Variants in PDE4D observed in about 807,000 individuals in gnomAD.
The protein encoded by PDE4D is phosphodiesterase 4D.
PDE4D carries 24 observed loss-of-function variants against 87.4 expected under a neutral mutation model. The observed-to-expected ratio is 0.27, with a 90% confidence interval of 0.20 to 0.39. PDE4D has a LOEUF of 0.39. Among genes scored for constraint, PDE4D ranks in the 10% least tolerant of loss-of-function variants. The pLI, the probability that PDE4D is intolerant of heterozygous loss-of-function variation, is 1.00. For synonymous variants in PDE4D, 384 were observed against 383.2 expected, an observed-to-expected ratio of 1.00 and a Z score of -0.02; for missense variants, 714 against 1,041.0, an observed-to-expected ratio of 0.69 and a Z score of 4.32.
intron 5 of PDE4D, among the ~76,000 whole-genome samples, chr5:59,050,695 ATGGACTTTT>A (rs1166128343): frequency 1.8e-4 from 27 of 152,360 alleles, no homozygotes; most frequent in African/African-American, 3.6e-4. Flanking sequence ...CAGAAAGAGC[ATGGACTTTT>A]GAGTCACTCA....
chr5:59,530,444 C>T (rs1464624503), intron 1 of PDE4D, among the ~76,000 whole-genome samples: 1 of 152,108 alleles, frequency 6.6e-6, no homozygotes, highest in Non-Finnish European at 1.5e-5. Context: ...TATAAAATGA[C>T]ATAGTATTTG....
intron 1 of PDE4D, among the ~76,000 whole-genome samples, chr5:60,330,321 G>A (rs561671204): frequency 6.4e-4 from 97 of 152,292 alleles, no homozygotes; most frequent in African/African-American, 2.1e-3. Context: ...AAGCCTGTGC[G>A]CAAATGAGCC....
chr5:60,500,592 CAT>C (rs901897248), intron 1 of PDE4D, among the ~76,000 whole-genome samples: 4 of 152,188 alleles, frequency 2.6e-5, no homozygotes, highest in African/African-American at 9.7e-5. Flanking sequence ...CACTTTCACA[CAT>C]GTCATTTTAA....
intron 3 of PDE4D, chr5:59,988,442 A>T: frequency 7.9e-7 from 1 of 1,258,242 alleles, no homozygotes; most frequent in Non-Finnish European, 1.1e-6. Context: ...GACAACAATC[A>T]CCATCTAAAA....
intron 2 of PDE4D, among the ~76,000 whole-genome samples, chr5:59,198,019 A>G (rs1745850365): frequency 6.6e-6 from 1 of 152,206 alleles, no homozygotes; most frequent in Non-Finnish European, 1.5e-5. Context: ...TAGGGTCTCT[A>G]TAAAGTGACT....
intron 1 of PDE4D, among the ~76,000 whole-genome samples, chr5:59,747,040 A>G (rs1463601770): frequency 6.6e-6 from 1 of 152,118 alleles, no homozygotes; most frequent in East Asian, 1.9e-4. Context: ...ACTCATAATT[A>G]TCTTTTCCTC....
intron 1 of PDE4D, among the ~76,000 whole-genome samples, chr5:60,384,098 T>C (rs930035295): frequency 1.3e-5 from 2 of 152,118 alleles, no homozygotes; most frequent in African/African-American, 4.8e-5. Flanking sequence ...TTTGGCAACA[T>C]AAAATTGAAA....
intron 2 of PDE4D, among the ~76,000 whole-genome samples, chr5:60,117,117 T>C (rs1256269972): frequency 6.6e-6 from 1 of 152,098 alleles, no homozygotes; most frequent in African/African-American, 2.4e-5. Flanking sequence ...AATTATAGTG[T>C]TGATATAACT....
intron 1 of PDE4D, among the ~76,000 whole-genome samples, chr5:59,256,545 T>G (rs1760998716): frequency 6.6e-6 from 1 of 151,994 alleles, no homozygotes; most frequent in African/African-American, 2.4e-5. Flanking sequence ...AAGGCAAAAC[T>G]GTTGTCAAAA....
intron 1 of PDE4D, among the ~76,000 whole-genome samples, chr5:60,235,416 T>C (rs958868629): frequency 2.6e-5 from 4 of 151,840 alleles, no homozygotes; most frequent in African/African-American, 9.7e-5. Flanking sequence ...CCGAAGTAGT[T>C]TGAAAAAGAG....
rs768505423 is a variant in PDE4D at position 60,446,917 on chromosome 5, GAAA to G, written c.-90+41022_-90+41024del. Among the ~76,000 whole-genome samples, 90 of 152,266 alleles carry G rather than the reference GAAA, an allele frequency of 5.9e-4. 1 individual carries two copies. The highest frequency in any genetic ancestry group is 1.8e-3 in the Admixed American group (27 of 15,292). On this transcript the variant is annotated intron_variant, in intron 1 of 16. Transcript: ENST00000502484. Reference sequence around the variant, plus strand: ...TAGACCTGAAAATGTTGAAGGGACAGAAAAAGAGATTTGTGGGGGGCGCTGGAG... The same window carrying G: ...TAGACCTGAAAATGTTGAAGGGACAGAAGAGATTTGTGGGGGGCGCTGGAG...
chr5:60,323,596 A>G (rs60264107), intron 1 of PDE4D, among the ~76,000 whole-genome samples: 13,343 of 152,034 alleles, frequency 0.088, 1,933 homozygotes, highest in African/African-American at 0.31. Context: ...CTTATGTGCC[A>G]AGCTAAAAAG....
rs61006284 is a variant in PDE4D, at chr5:60,458,386, CAAAAAAAAAAAA to C, written c.-90+29544_-90+29555del. 2.3e-4 allele frequency among the ~76,000 whole-genome samples: 17 copies of C among 75,190 alleles called. No individual in the cohort carries two copies. In the South Asian group the frequency reaches 3.5e-3, roughly 16 times the overall value. 49.3% of individuals were successfully genotyped at this position (75,190 alleles called of 152,430 possible). A position where few individuals can be genotyped will look rare whatever the true frequency, so the allele number is the denominator to read the frequency against. Reference sequence around the variant, plus strand: ...TGGGCAACAGGGTGAGACTTCATTGCAAAAAAAAAAAAAAAAAAAAAAGCAAAAGAAACAAAG... The same window carrying C: ...TGGGCAACAGGGTGAGACTTCATTGCAAAAAAAAAAGCAAAAGAAACAAAG... On this transcript the variant is annotated intron_variant, in intron 1 of 16. Coordinates refer to the PDE4D transcript ENST00000502484.
chr5:59,910,289 GAATA>G (rs1432006187), intron 3 of PDE4D, among the ~76,000 whole-genome samples: 41 of 152,232 alleles, frequency 2.7e-4, no homozygotes, highest in Middle Eastern at 6.8e-3. Context: ...TATAGACAAT[GAATA>G]AATAATTTTG....
intron 5 of PDE4D, among the ~76,000 whole-genome samples, chr5:59,176,558 G>GAA (rs11354852): frequency 3.2e-4 from 40 of 124,746 alleles, no homozygotes; most frequent in Middle Eastern, 3.9e-3. Flanking sequence ...TCTATCTCAA[G>GAA]AAAAAAAAAA....
intron 1 of PDE4D, among the ~76,000 whole-genome samples, chr5:59,777,516 C>T (rs1296409225): frequency 6.6e-6 from 1 of 152,144 alleles, no homozygotes; most frequent in Admixed American, 6.5e-5. Context: ...ACCTGGAGAC[C>T]ATGCTAACAT....
intron 5 of PDE4D, among the ~76,000 whole-genome samples, chr5:59,160,735 A>C (rs1206423375): frequency 1.3e-5 from 2 of 152,152 alleles, no homozygotes; most frequent in African/African-American, 4.8e-5. Flanking sequence ...TATATCCTTC[A>C]ATGGAACTAA....
chr5:59,359,084 A>C (rs1781825966), intron 1 of PDE4D, among the ~76,000 whole-genome samples: 1 of 152,220 alleles, frequency 6.6e-6, no homozygotes, highest in Non-Finnish European at 1.5e-5. Flanking sequence ...ATGGATATCT[A>C]ATTGATAAGC....
intron 1 of PDE4D, among the ~76,000 whole-genome samples, chr5:59,722,362 AAG>A (rs879456920): frequency 1.4e-4 from 21 of 152,224 alleles, no homozygotes; most frequent in Admixed American, 7.9e-4. Context: ...CTGAATTTAA[AAG>A]GACAATTTAG....
Sources: allele counts gnomAD v4.1 joint callset (sites outside exome capture counted in the v4.1 genomes callset), GRCh38; gene constraint gnomAD v4.1.1; transcripts MANE v1.5; gene names NCBI Gene and HGNC (gene_info 2026-07-23, HGNC 2026-07-21).